ITPR2: variants seen among roughly 807,000 people sequenced by gnomAD.
The protein encoded by ITPR2 is inositol 1,4,5-trisphosphate-gated calcium channel ITPR2.
A neutral mutation model predicts 317.1 loss-of-function variants in ITPR2; 207 were observed. The observed-to-expected ratio is 0.65, with a 90% CI of 0.58 to 0.73. ITPR2 has a LOEUF of 0.73. Among genes scored for constraint, ITPR2 ranks in the 30% least tolerant of loss-of-function variants. The pLI, the probability that ITPR2 is intolerant of heterozygous loss-of-function variation, is 0.00. For synonymous variants in ITPR2, 1,156 were observed against 1,149.1 expected (o/e 1.01, Z -0.12); for missense variants, 2,613 against 3,284.0 (o/e 0.80, Z 4.99).
intron 46 of ITPR2, among the ~76,000 whole-genome samples, chr12:26,440,760 T>TA (rs1941468896): frequency 6.7e-6 from 1 of 149,736 alleles, no homozygotes; most frequent in African/African-American, 2.5e-5. Context: ...TCAAATATTT[T>TA]TAAAAAATCT....
At chr12:26,344,915 A>G (rs368276807) in intron 55 of ITPR2, among the ~76,000 whole-genome samples, 30 of 152,264 alleles carry the variant, frequency 2.0e-4, no homozygotes, top group African/African-American at 7.0e-4. Flanking sequence ...TCTGTCTTCC[A>G]ACCCTCTTCT....
intron 34 of ITPR2, among the ~76,000 whole-genome samples, chr12:26,562,912 A>G (rs1944858433): frequency 2.0e-5 from 3 of 147,052 alleles, no homozygotes; most frequent in African/African-American, 7.3e-5. Flanking sequence ...AACTTAAAGT[A>G]TAATTAAAAA....
At chr12:26,572,052 T>C (rs1180781759) in intron 34 of ITPR2, among the ~76,000 whole-genome samples, 1 of 152,214 alleles carries the variant, frequency 6.6e-6, no homozygotes, top group East Asian at 1.9e-4. Context: ...AACAAAGTAC[T>C]CTCTTGACTT....
At chr12:26,670,111 TG>T (rs1434830646) in intron 13 of ITPR2, among the ~76,000 whole-genome samples, 2 of 152,240 alleles carry the variant, frequency 1.3e-5, no homozygotes, top group East Asian at 1.9e-4. Flanking sequence ...GCTCCACCTC[TG>T]GGGGCAGGGC....
intron 34 of ITPR2, among the ~76,000 whole-genome samples, chr12:26,567,982 A>ATATATATATATATTATATATAT (rs1565609569): frequency 0.014 from 161 of 11,470 alleles, 10 homozygotes; most frequent in African/African-American, 0.027. Flanking sequence ...TATATATTAT[A>ATATATATATATATTATATATAT]TATATATATA....
At chr12:26,517,111 C>G (rs1402316437) in intron 37 of ITPR2, among the ~76,000 whole-genome samples, 1 of 152,082 alleles carries the variant, frequency 6.6e-6, no homozygotes, top group African/African-American at 2.4e-5. Flanking sequence ...AAAATAAACT[C>G]TCCTTAAACA....
At chr12:26,798,235 C>T (rs1950489161) in intron 1 of ITPR2, among the ~76,000 whole-genome samples, 1 of 152,162 alleles carries the variant, frequency 6.6e-6, no homozygotes, top group African/African-American at 2.4e-5. Context: ...AACCTGACTT[C>T]TCATCCTTGA....
intron 1 of ITPR2, among the ~76,000 whole-genome samples, chr12:26,818,449 A>G (rs1950893840): frequency 6.6e-6 from 1 of 152,356 alleles, no homozygotes; most frequent in Non-Finnish European, 1.5e-5. Context: ...CTGACCAGGA[A>G]AGGAGGCTCA....
At chr12:26,733,080 C>T (rs1320808055) in intron 2 of ITPR2, among the ~76,000 whole-genome samples, 1 of 151,798 alleles carries the variant, frequency 6.6e-6, no homozygotes, top group African/African-American at 2.4e-5. Flanking sequence ...GCCTGTAATC[C>T]CAGCACTTTG....
chr12:26,360,346 CTTG>C (rs1216359915), intron 55 of ITPR2, among the ~76,000 whole-genome samples: 1 of 152,204 alleles, frequency 6.6e-6, no homozygotes, highest in Non-Finnish European at 1.5e-5. Flanking sequence ...CTATTCTGGC[CTTG>C]TTGTTTCCCG....
rs148427556 is a variant in ITPR2 at position 26,439,338 on chromosome 12, A to T, written c.6451-19T>A. The stretch of plus-strand genomic sequence containing the variant: ...GGACAATCTGAAAACATTAATTTGC[A>T]TTGTTTTTAGCCTTTCGGACACCTC... On this transcript the variant is annotated intron_variant, in intron 46 of 56. Transcript: ENST00000381340. 5.0e-4 allele frequency: 792 copies of T among 1,578,210 alleles called. 3 individuals are homozygous for T. In the African/African-American group the frequency reaches 9.7e-3, roughly 19 times the overall value.
chr12:26,796,985 T>C (rs908329454), intron 1 of ITPR2, among the ~76,000 whole-genome samples: 17 of 152,150 alleles, frequency 1.1e-4, no homozygotes, highest in African/African-American at 4.1e-4. Flanking sequence ...TGCAGTGAGC[T>C]GATATCACGC....
intron 2 of ITPR2, among the ~76,000 whole-genome samples, chr12:26,730,021 C>CA (rs1249347241): frequency 6.6e-6 from 1 of 151,172 alleles, no homozygotes; most frequent in Non-Finnish European, 1.5e-5. Flanking sequence ...TGAAATAAAC[C>CA]AAAAAAAGAA....
Position 26,475,279 on chromosome 12 carries a change from G to T in ITPR2, c.6342+17C>A, listed in dbSNP as rs76797965. On this transcript the variant is annotated intron_variant, in intron 45 of 56. Coordinates refer to ENST00000381340, the MANE Select transcript of ITPR2 (RefSeq NM_002223.4). ...GATAGGATGAGCAAAATAATGTAAAGATATAAAATGTGACACCTGATGGGC... is the reference window on the plus strand; with the variant it reads ...GATAGGATGAGCAAAATAATGTAAATATATAAAATGTGACACCTGATGGGC... 90 of 1,613,084 alleles carry T rather than the reference G, an allele frequency of 5.6e-5. No individual in the cohort carries two copies. The highest frequency in any genetic ancestry group is 4.5e-4 in the East Asian group (20 of 44,850).
At chr12:26,501,693 A>C (rs1188482847) in intron 37 of ITPR2, among the ~76,000 whole-genome samples, 1 of 152,250 alleles carries the variant, frequency 6.6e-6, no homozygotes, top group Admixed American at 6.5e-5. Flanking sequence ...GTTAGATCCA[A>C]ATATTCATTC....
At chr12:26,828,339 T>TTG (rs1001296034) in intron 1 of ITPR2, among the ~76,000 whole-genome samples, 4 of 152,186 alleles carry the variant, frequency 2.6e-5, no homozygotes, top group African/African-American at 9.7e-5. Context: ...TATCTACCAA[T>TTG]TGTACTCCGA....
chr12:26,527,023 GC>G (rs1943825604), intron 37 of ITPR2, among the ~76,000 whole-genome samples: 1 of 152,176 alleles, frequency 6.6e-6, no homozygotes, highest in African/African-American at 2.4e-5. Flanking sequence ...GTACCAAACA[GC>G]CCCTAATGAT....
chr12:26,532,205 G>C (rs971042755), intron 37 of ITPR2, among the ~76,000 whole-genome samples: 2 of 152,114 alleles, frequency 1.3e-5, no homozygotes, highest in African/African-American at 4.8e-5. Context: ...CAGTGTTCTT[G>C]TTTGTGTTAT....
rs150050067 is a variant in ITPR2 at position 26,759,047 on chromosome 12, A to G, written c.163+31110T>C. Among the ~76,000 whole-genome samples, 213 of 152,306 alleles carry G rather than the reference A, an allele frequency of 1.4e-3. 2 individuals carry two copies. The highest frequency in any genetic ancestry group is 4.7e-3 in the African/African-American group (195 of 41,554). On this transcript the variant is annotated intron_variant, in intron 2 of 56. Coordinates refer to ENST00000381340, the MANE Select transcript of ITPR2 (RefSeq NM_002223.4). ...AACAGTACCCATATTGCCTACAATT[A>G]TATCTCCAGTGTCTATCACAGTACC...
Sources: allele counts gnomAD v4.1 joint callset (sites outside exome capture counted in the v4.1 genomes callset), GRCh38; gene constraint gnomAD v4.1.1; transcripts MANE v1.5; gene names NCBI Gene and HGNC (gene_info 2026-07-23, HGNC 2026-07-21).